Variants in ITGB3BP observed in about 807,000 individuals in gnomAD.
The protein encoded by ITGB3BP is centromere protein R.
ITGB3BP carries 27 observed loss-of-function variants against 29.1 expected under a neutral mutation model. The ratio of observed to expected loss-of-function variants is 0.93; its 90% CI spans 0.68 to 1.28. ITGB3BP has a LOEUF of 1.28. Ranked by LOEUF, ITGB3BP falls within the 50% of genes most tolerant of loss-of-function variation. ITGB3BP has a pLI of 0.00. For missense variants in ITGB3BP, 192 were observed against 200.2 expected (o/e 0.96, Z 0.25); for synonymous variants, 61 against 61.4 (o/e 0.99, Z 0.03).
intron 2 of ITGB3BP, among the ~76,000 whole-genome samples, chr1:63,491,929 A>G (rs902709203): frequency 9.9e-5 from 15 of 151,542 alleles, no homozygotes; most frequent in African/African-American, 2.9e-4. Flanking sequence ...GTATGTATTC[A>G]GTCATAAACT....
intron 3 of ITGB3BP, among the ~76,000 whole-genome samples, chr1:63,484,784 G>A (rs1053481826): frequency 6.6e-6 from 1 of 151,922 alleles, no homozygotes; most frequent in Non-Finnish European, 1.5e-5. Context: ...CTTTTTAACC[G>A]CTTCATCAGT....
intron 3 of ITGB3BP, among the ~76,000 whole-genome samples, chr1:63,486,332 C>T (rs982088579): frequency 2.0e-5 from 3 of 151,896 alleles, no homozygotes; most frequent in East Asian, 1.9e-4. Flanking sequence ...TTGAGGAACT[C>T]GAGGGTTAGG....
intron 4 of ITGB3BP, among the ~76,000 whole-genome samples, chr1:63,464,479 T>C (rs1162905435): frequency 6.6e-6 from 1 of 152,158 alleles, no homozygotes; most frequent in African/African-American, 2.4e-5. Context: ...AGGAAAAACC[T>C]TGTATCACTA....
intron 3 of ITGB3BP, among the ~76,000 whole-genome samples, chr1:63,486,981 C>G (rs1223967986): frequency 6.6e-6 from 1 of 151,984 alleles, no homozygotes. Context: ...TAATTTTATG[C>G]AGTTATGATT....
intron 4 of ITGB3BP, among the ~76,000 whole-genome samples, chr1:63,471,686 G>C (rs758570497): frequency 4.6e-5 from 7 of 152,164 alleles, no homozygotes; most frequent in Non-Finnish European, 1.0e-4. Context: ...GCTATCTTTT[G>C]TAGAGAAAAG....
upstream of ITGB3BP, among the ~76,000 whole-genome samples, chr1:63,524,096 G>A (rs1646533563): frequency 1.3e-5 from 2 of 152,148 alleles, no homozygotes; most frequent in South Asian, 4.1e-4. Context: ...GAAAGGAAAA[G>A]AATAAAATTC....
intron 1 of ITGB3BP, among the ~76,000 whole-genome samples, chr1:63,516,352 G>T (rs1303400391): frequency 2.8e-5 from 2 of 71,982 alleles, no homozygotes; most frequent in Admixed American, 1.7e-4. Context: ...CGGAGCGGGG[G>T]AAGGTGGGGG....
upstream of ITGB3BP, chr1:63,523,263 G>T (rs1646506185): frequency 2.4e-6 from 3 of 1,275,042 alleles, no homozygotes; most frequent in Admixed American, 5.4e-5. Flanking sequence ...AGCCCACCGC[G>T]GCCGGGCGGA....
rs549879539 is a variant in ITGB3BP at position 63,494,686 on chromosome 1, G to A, written c.49-4468C>T. 1.1e-4 allele frequency among the ~76,000 whole-genome samples: 17 copies of A among 152,090 alleles called. No homozygotes were observed. The South Asian group carries it at 3.5e-3, about 32-fold the overall frequency. ...CCCTGACAAGAAAAATAAAATACTGGCTAAAAACGTTGATGCACTGGTTTT... is the reference window on the plus strand; with the variant it reads ...CCCTGACAAGAAAAATAAAATACTGACTAAAAACGTTGATGCACTGGTTTT... On this transcript the variant is annotated intron_variant, in intron 2 of 8. Transcript: ENST00000271002.
chr1:63,516,218 G>A (rs1341779357), intron 1 of ITGB3BP, among the ~76,000 whole-genome samples: 1 of 147,744 alleles, frequency 6.8e-6, no homozygotes, highest in Non-Finnish European at 1.5e-5. Flanking sequence ...AGTCCAGAGT[G>A]AGCCTGGGAG....
intron 3 of ITGB3BP, among the ~76,000 whole-genome samples, chr1:63,486,796 G>A (rs1435203006): frequency 1.3e-5 from 2 of 151,886 alleles, no homozygotes; most frequent in Non-Finnish European, 2.9e-5. Context: ...AAAAACATAC[G>A]AGAACCATGA....
intron 8 of ITGB3BP, among the ~76,000 whole-genome samples, chr1:63,443,644 A>G (rs1644755347): frequency 6.6e-6 from 1 of 152,212 alleles, no homozygotes; most frequent in African/African-American, 2.4e-5. Context: ...GAAAGGGACC[A>G]AAGTGCAGAC....
intron 8 of ITGB3BP, 69 bp downstream of exon 8, chr1:63,446,737 T>C: frequency 9.4e-7 from 1 of 1,066,758 alleles, no homozygotes; most frequent in Non-Finnish European, 1.4e-6. Flanking sequence ...GTAAATAAAA[T>C]GTTTCCACCT....
chr1:63,521,734 A>G (rs1390535678), intron 1 of ITGB3BP, among the ~76,000 whole-genome samples: 2 of 152,106 alleles, frequency 1.3e-5, no homozygotes, highest in African/African-American at 4.8e-5. Context: ...GTGAGCTGTG[A>G]TCACAGCACT....
At chr1:63,505,628 C>T (rs1010030008) in intron 2 of ITGB3BP, among the ~76,000 whole-genome samples, 1 of 152,032 alleles carries the variant, frequency 6.6e-6, no homozygotes, top group Non-Finnish European at 1.5e-5. Flanking sequence ...TTAGATCTTT[C>T]CTGCTTTCTC....
At chr1:63,523,591 C>T (rs1039183429), upstream of ITGB3BP, 3 of 181,686 alleles carry the variant, frequency 1.7e-5, no homozygotes, top group Admixed American at 5.5e-5. Flanking sequence ...GCTGAATCGC[C>T]GAAGAGAATT....
intron 4 of ITGB3BP, among the ~76,000 whole-genome samples, chr1:63,465,804 A>G (rs6588032): frequency 0.34 from 51,484 of 152,068 alleles, 8,950 homozygotes; most frequent in East Asian, 0.48. Context: ...AAAACTATGT[A>G]TTTGTAAAAA....
intron 4 of ITGB3BP, among the ~76,000 whole-genome samples, chr1:63,465,833 T>C (rs1312504138): frequency 1.3e-5 from 2 of 152,230 alleles, no homozygotes; most frequent in African/African-American, 4.8e-5. Flanking sequence ...GTCATGTTTC[T>C]ATTCAAATTC....
chr1:63,461,167 TGGC>T (rs1645011524), intron 4 of ITGB3BP, among the ~76,000 whole-genome samples: 1 of 139,210 alleles, frequency 7.2e-6, no homozygotes, highest in Admixed American at 8.2e-5. Flanking sequence ...GGCCGGAGAA[TGGC>T]GTGAACCCGG....
Sources: gnomAD v4.1 joint callset for allele counts (sites outside exome capture counted in the v4.1 genomes callset) on GRCh38, gnomAD v4.1.1 for gene constraint, MANE v1.5 for transcripts, NCBI Gene and HGNC (gene_info 2026-07-23, HGNC 2026-07-21) for gene names.